The following ROBO2 variants were observed in gnomAD, a reference collection of about 807,000 sequenced individuals.
The protein encoded by ROBO2 is roundabout guidance receptor 2, also known as roundabout homolog 2.
A neutral mutation model predicts 160.8 loss-of-function variants in ROBO2; 53 were observed. That is an observed-to-expected ratio of 0.33 (90% CI 0.26 to 0.41). The LOEUF (loss-of-function observed/expected upper bound fraction) is 0.41. Among genes scored for constraint, ROBO2 ranks in the 10% least tolerant of loss-of-function variants. ROBO2 has a pLI of 1.00. For synonymous variants in ROBO2, 664 were observed against 611.7 expected, an observed-to-expected ratio of 1.09 and a Z score of -1.26; for missense variants, 1,577 against 1,722.4, an observed-to-expected ratio of 0.92 and a Z score of 1.49.
chr3:76,803,416 AGG>A (rs1470438574), intron 2 of ROBO2, among the ~76,000 whole-genome samples: 27 of 84,308 alleles, frequency 3.2e-4, no homozygotes, highest in Middle Eastern at 6.3e-3. Flanking sequence ...GAAAAGGAGG[AGG>A]AGGATACAAA....
intron 2 of ROBO2, among the ~76,000 whole-genome samples, chr3:76,821,926 T>C (rs1013721917): frequency 6.6e-6 from 1 of 152,028 alleles, no homozygotes; most frequent in Non-Finnish European, 1.5e-5. Context: ...CCCTCTCATA[T>C]GCCATTGCAA....
intron 2 of ROBO2, among the ~76,000 whole-genome samples, chr3:76,750,967 A>G (rs1196799963): frequency 1.3e-5 from 2 of 152,152 alleles, no homozygotes; most frequent in Non-Finnish European, 2.9e-5. Context: ...TATGGAACCT[A>G]AAAAGAGCCC....
chr3:76,811,043 G>A (rs1489026002), intron 2 of ROBO2, among the ~76,000 whole-genome samples: 2 of 152,120 alleles, frequency 1.3e-5, no homozygotes, highest in African/African-American at 2.4e-5. Flanking sequence ...TCATGATGAG[G>A]TGGACAAACT....
intron 2 of ROBO2, among the ~76,000 whole-genome samples, chr3:76,649,330 AC>A (rs1174262458): frequency 6.6e-6 from 1 of 152,160 alleles, no homozygotes; most frequent in Non-Finnish European, 1.5e-5. Flanking sequence ...TACTTCACAC[AC>A]TGCTACTCCA....
chr3:77,316,333 T>C (rs2063987873), intron 2 of ROBO2, among the ~76,000 whole-genome samples: 1 of 152,142 alleles, frequency 6.6e-6, no homozygotes, highest in East Asian at 1.9e-4. Flanking sequence ...TAAAAAAGTC[T>C]CATTCAGATG....
intron 2 of ROBO2, among the ~76,000 whole-genome samples, chr3:76,126,995 C>G (rs1186106342): frequency 6.6e-6 from 1 of 152,078 alleles, no homozygotes; most frequent in Non-Finnish European, 1.5e-5. Flanking sequence ...CCAGATAATG[C>G]TTGGTGTATT....
chr3:77,619,749 C>T (rs761852994), intron 22 of ROBO2, among the ~76,000 whole-genome samples: 1 of 152,128 alleles, frequency 6.6e-6, no homozygotes, highest in African/African-American at 2.4e-5. Context: ...AGCCTAAGGC[C>T]TCTAGGTAAG....
At chr3:76,877,948 ATCTT>A (rs529414071) in intron 2 of ROBO2, among the ~76,000 whole-genome samples, 98 of 152,306 alleles carry the variant, frequency 6.4e-4, no homozygotes, top group African/African-American at 2.1e-3. Flanking sequence ...TGGAGATTTC[ATCTT>A]TCTCTCTTCC....
At chr3:76,187,654 T>G (rs1263975551) in intron 2 of ROBO2, among the ~76,000 whole-genome samples, 1 of 152,140 alleles carries the variant, frequency 6.6e-6, no homozygotes, top group African/African-American at 2.4e-5. Context: ...TTCATTCATT[T>G]ATTCAAACCA....
At chr3:77,255,610 T>C (rs144377300) in intron 2 of ROBO2, among the ~76,000 whole-genome samples, 353 of 152,362 alleles carry the variant, frequency 2.3e-3, no homozygotes, top group Non-Finnish European at 4.0e-3. Flanking sequence ...TCCAAATTCC[T>C]ACCATAGCAA....
chr3:77,114,756 AT>A (rs56123900), intron 2 of ROBO2, among the ~76,000 whole-genome samples: 2 of 152,136 alleles, frequency 1.3e-5, no homozygotes, highest in African/African-American at 2.4e-5. Context: ...AGAGAAAATA[AT>A]TTTTTTAAAA....
At chr3:76,936,981 A>ATT (rs969054580) in intron 2 of ROBO2, among the ~76,000 whole-genome samples, 38 of 152,054 alleles carry the variant, frequency 2.5e-4, no homozygotes, top group African/African-American at 8.9e-4. Flanking sequence ...TAACTAGCAC[A>ATT]TTTTATGTAG....
At chr3:76,190,277 T>C (rs566448214) in intron 2 of ROBO2, among the ~76,000 whole-genome samples, 1 of 152,122 alleles carries the variant, frequency 6.6e-6, no homozygotes, top group Admixed American at 6.6e-5. Flanking sequence ...AATTTCCTTG[T>C]TTCTGGTGTC....
At chr3:76,173,140 A>G (rs1292879538) in intron 2 of ROBO2, among the ~76,000 whole-genome samples, 1 of 151,886 alleles carries the variant, frequency 6.6e-6, no homozygotes, top group African/African-American at 2.4e-5. Context: ...GACTTTGGAC[A>G]AGATACAAAA....
intron 2 of ROBO2, among the ~76,000 whole-genome samples, chr3:76,897,137 G>A (rs183390535): frequency 3.3e-5 from 5 of 152,190 alleles, no homozygotes; most frequent in African/African-American, 4.8e-5. Context: ...CTAAAACTAC[G>A]TTAAGCAGTT....
At chr3:76,663,491 A>T (rs2091906914) in intron 2 of ROBO2, among the ~76,000 whole-genome samples, 3 of 152,190 alleles carry the variant, frequency 2.0e-5, no homozygotes. Context: ...TTTCCTTCCC[A>T]GTTTAATTCT....
chr3:76,930,789 T>G (rs2149050505), intron 2 of ROBO2, among the ~76,000 whole-genome samples: 1 of 152,342 alleles, frequency 6.6e-6, no homozygotes, highest in East Asian at 1.9e-4. Context: ...TTCTTTCACC[T>G]TTTTGTTCTG....
At chr3:77,325,516 A>G (rs1449131003) in intron 2 of ROBO2, among the ~76,000 whole-genome samples, 3 of 152,204 alleles carry the variant, frequency 2.0e-5, no homozygotes, top group Admixed American at 1.3e-4. Flanking sequence ...TAGCACTGAC[A>G]TTGACTGCTT....
chr3:77,564,886 T>C (rs1412016062), intron 11 of ROBO2, 68 bp from the exon 13 acceptor site: 7 of 1,441,004 alleles, frequency 4.9e-6, no homozygotes, highest in Non-Finnish European at 6.7e-6. Context: ...CCTTTGTCAT[T>C]GATACCCAAC....
Sources: gnomAD v4.1 joint callset for allele counts (sites outside exome capture counted in the v4.1 genomes callset) on GRCh38, gnomAD v4.1.1 for gene constraint, MANE v1.5 for transcripts, NCBI Gene and HGNC (gene_info 2026-07-23, HGNC 2026-07-21) for gene names.